VEZT: variants seen among roughly 807,000 people sequenced by gnomAD.
VEZT encodes vezatin, adherens junctions transmembrane protein, also known as vezatin.
VEZT carries 39 observed loss-of-function variants against 79.9 expected under a neutral mutation model. That is an observed-to-expected ratio of 0.49 (90% CI 0.38 to 0.64). The LOEUF (loss-of-function observed/expected upper bound fraction) is 0.64. Ranked by LOEUF, VEZT falls within the 30% of genes least tolerant of loss-of-function variation. The pLI, the probability that VEZT is intolerant of heterozygous loss-of-function variation, is 0.00. For missense variants in VEZT, 837 were observed against 893.1 expected (o/e 0.94, Z 0.80); for synonymous variants, 325 against 327.6 (o/e 0.99, Z 0.09).
chr12:95,261,005 T>A (rs200290217), intron 3 of VEZT, among the ~76,000 whole-genome samples: 43 of 131,264 alleles, frequency 3.3e-4, no homozygotes, highest in African/African-American at 3.7e-4. Context: ...CAGTAGATGG[T>A]AAAAAAAAAA....
chr12:95,264,985 C>T (rs1014589520), intron 4 of VEZT, among the ~76,000 whole-genome samples: 8 of 151,062 alleles, frequency 5.3e-5, no homozygotes, highest in East Asian at 1.9e-4. Flanking sequence ...CCTCAGCCTC[C>T]GAATAGCAGG....
intron 9 of VEZT, among the ~76,000 whole-genome samples, chr12:95,292,268 G>T (rs1566315066): frequency 6.6e-6 from 1 of 152,138 alleles, no homozygotes; most frequent in Non-Finnish European, 1.5e-5. Context: ...TGCAAATTGG[G>T]TGTTTTGTTT....
Position 95,287,678 on chromosome 12 carries a change from A to C in VEZT, c.1343A>C (p.Glu448Ala), listed in dbSNP as rs767584062. The change falls in exon 9 of 12, where the codon GAA becomes GCA. Residue 448 changes from glutamate (E) to alanine (A), a missense_variant. Physicochemically the swap from Glu to Ala is moderately radical, Grantham distance 107. Coordinates refer to ENST00000436874, the MANE Select transcript of VEZT (RefSeq NM_017599.4). ...TTATGACTCAGGGTAATAATTCTTG[A>C]AGATGAACTTGAAAAGCTTGTTTGT... ...KALLNEVIIL[E>A]DELEKLVCTK... 8.9e-6 allele frequency: 14 copies of C among 1,565,974 alleles called. No individual in the cohort carries two copies. Among genetic ancestry groups the C allele is most frequent in the African/African-American group, 1.4e-5 (1 of 73,950 alleles).
intron 1 of VEZT, among the ~76,000 whole-genome samples, chr12:95,246,117 T>TTTTTTC (rs1416714849): frequency 3.3e-5 from 5 of 152,288 alleles, no homozygotes; most frequent in African/African-American, 9.6e-5. Flanking sequence ...ATCTTTTCTT[T>TTTTTTC]TTTTTCTTTT....
chr12:95,233,774 T>C (rs977585251), intron 1 of VEZT, among the ~76,000 whole-genome samples: 6 of 152,218 alleles, frequency 3.9e-5, no homozygotes, highest in South Asian at 2.1e-4. Flanking sequence ...TGTATATATA[T>C]ATATGTGTGT....
At chr12:95,296,378 A>T (rs1307934684) in intron 11 of VEZT, 120 bp downstream of exon 11, 1 of 829,672 alleles carries the variant, frequency 1.2e-6, no homozygotes, top group Non-Finnish European at 1.8e-6. Flanking sequence ...ACCAGTATGC[A>T]TAGTACTTTT....
At chr12:95,218,055 G>A in intron 1 of VEZT, 169 bp downstream of exon 1, 1 of 544,648 alleles carries the variant, frequency 1.8e-6, no homozygotes, top group Non-Finnish European at 3.0e-6. Flanking sequence ...TCGCCTGACA[G>A]GTGTAGCCAG....
chr12:95,299,335 G>T (rs1011059052), intron 11 of VEZT: 1 of 154,022 alleles, frequency 6.5e-6, no homozygotes, highest in African/African-American at 2.4e-5. Flanking sequence ...TGGGATGAGC[G>T]ACTGCCTAGC....
intron 6 of VEZT, among the ~76,000 whole-genome samples, chr12:95,274,173 A>G (rs1388631576): frequency 1.3e-5 from 2 of 152,188 alleles, no homozygotes; most frequent in Non-Finnish European, 2.9e-5. Context: ...GTAGGTGTCA[A>G]AAATAACGGA....
At chr12:95,228,326 A>G (rs1472022889) in intron 1 of VEZT, among the ~76,000 whole-genome samples, 1 of 152,156 alleles carries the variant, frequency 6.6e-6, no homozygotes, top group South Asian at 2.1e-4. Flanking sequence ...TCTGAGGAAC[A>G]TGAAGGTACT....
chr12:95,263,193 A>C (rs950786524), intron 4 of VEZT, 112 bp downstream of exon 4: 12 of 1,010,240 alleles, frequency 1.2e-5, no homozygotes, highest in Middle Eastern at 2.3e-4. Flanking sequence ...TACATTTAGC[A>C]GTACAATTAA....
chr12:95,236,153 G>C (rs2060141938), intron 1 of VEZT, among the ~76,000 whole-genome samples: 1 of 152,226 alleles, frequency 6.6e-6, no homozygotes, highest in Non-Finnish European at 1.5e-5. Context: ...GAGTGAACGA[G>C]ACTCCGTCTG....
chr12:95,239,413 C>T (rs937259362), intron 1 of VEZT, among the ~76,000 whole-genome samples: 3 of 152,156 alleles, frequency 2.0e-5, no homozygotes, highest in Non-Finnish European at 4.4e-5. Context: ...ATGATTGTCC[C>T]TTTTCTATCC....
intron 10 of VEZT, 140 bp downstream of exon 10, chr12:95,294,512 G>T: frequency 4.2e-6 from 3 of 714,468 alleles, no homozygotes; most frequent in Non-Finnish European, 4.5e-6. Context: ...TCTGCCTGCA[G>T]ACTTTTTTTT....
chr12:95,282,912 T>C (rs17278674), intron 8 of VEZT, among the ~76,000 whole-genome samples: 17,190 of 152,272 alleles, frequency 0.11, 1,268 homozygotes, highest in East Asian at 0.16. Flanking sequence ...TGTTGTTCAT[T>C]CTCTTTGAGA....
chr12:95,228,334 A>G (rs2058781506), intron 1 of VEZT, among the ~76,000 whole-genome samples: 1 of 152,172 alleles, frequency 6.6e-6, no homozygotes, highest in Non-Finnish European at 1.5e-5. Context: ...ACATGAAGGT[A>G]CTTTTTCCCT....
At position 95,300,196 on chromosome 12, in the gene VEZT, A is replaced by T; in HGVS notation, c.1863A>T (p.Pro621=). The change falls in exon 12 of 12, where the codon CCA becomes CCT. Residue 621 remains proline (P), a synonymous_variant. Coordinates refer to ENST00000436874, the MANE Select transcript of VEZT (RefSeq NM_017599.4). ...TGAAATCCTTGTCTCCTGTAGACCCAGTGGAACCCATAAGTAATTCAGAAC... is the reference window on the plus strand; with the variant it reads ...TGAAATCCTTGTCTCCTGTAGACCCTGTGGAACCCATAAGTAATTCAGAAC... ...AVLKSLSPVD[P]VEPISNSEPS... 1 of 1,548,796 alleles carries T rather than the reference A, an allele frequency of 6.5e-7. No individual in the cohort carries two copies. Among genetic ancestry groups the T allele is most frequent in the African/African-American group, 1.4e-5 (1 of 72,730 alleles).
rs5800196 is a variant in VEZT, at chr12:95,250,060, CTTT to C, written c.37-1872_37-1870del. ...TTTATCTCTAAAACCTAATTATAGT[CTTT>C]TTTTTTTAATTATTATTATACTTTA... is the stretch of plus-strand genomic sequence containing the variant. On this transcript the variant is annotated intron_variant, in intron 1 of 11. Transcript: ENST00000436874. 3.5e-5 allele frequency among the ~76,000 whole-genome samples: 5 copies of C among 143,118 alleles called. No individual in the cohort carries two copies. The South Asian group carries it at 1.1e-3, about 32-fold the overall frequency. The allele number at this position is 143,118 out of a possible 152,430, so 93.9% of individuals were successfully genotyped here.
chr12:95,281,382 G>T (rs1219982275), intron 7 of VEZT, among the ~76,000 whole-genome samples: 1 of 152,180 alleles, frequency 6.6e-6, no homozygotes, highest in Non-Finnish European at 1.5e-5. Flanking sequence ...GGAGGCTGAA[G>T]TAGGAGGATC....
Sources: allele counts gnomAD v4.1 joint callset (sites outside exome capture counted in the v4.1 genomes callset), GRCh38; gene constraint gnomAD v4.1.1; transcripts MANE v1.5; gene names NCBI Gene and HGNC (gene_info 2026-07-23, HGNC 2026-07-21).